HTR1F: variants seen among roughly 807,000 people sequenced by gnomAD.
HTR1F encodes 5-hydroxytryptamine receptor 1F, also known as 5-hydroxytryptamine (serotonin) receptor 1F, G protein-coupled.
In HTR1F, 17 loss-of-function variants were observed where a neutral mutation model predicts 24.0. The ratio of observed to expected loss-of-function variants is 0.71; its 90% CI spans 0.48 to 1.06. HTR1F has a LOEUF of 1.06. Ranked by LOEUF, HTR1F falls within the 50% of genes least tolerant of loss-of-function variation. The probability of loss-of-function intolerance (pLI) is 0.00; values close to 1 mark genes in which losing one functional copy is unlikely to be tolerated. For missense variants in HTR1F, 391 were observed against 427.8 expected (o/e 0.91, Z 0.76); for synonymous variants, 186 against 156.8 (o/e 1.19, Z -1.39).
intron 2 of HTR1F, among the ~76,000 whole-genome samples, chr3:87,834,112 A>C (rs948775360): frequency 6.6e-6 from 1 of 152,150 alleles, no homozygotes; most frequent in African/African-American, 2.4e-5. Flanking sequence ...AATTTATTTC[A>C]GTGGTTGTAT....
intron 2 of HTR1F, among the ~76,000 whole-genome samples, chr3:87,855,713 C>A (rs2107217325): frequency 6.6e-6 from 1 of 152,074 alleles, no homozygotes; most frequent in South Asian, 2.1e-4. Flanking sequence ...ATCCCAGAAA[C>A]AAACAATTCA....
intron 2 of HTR1F, among the ~76,000 whole-genome samples, chr3:87,881,552 T>G (rs988754627): frequency 1.3e-5 from 2 of 151,960 alleles, no homozygotes; most frequent in Non-Finnish European, 2.9e-5. Flanking sequence ...CAGAAATAAC[T>G]CCGCATATCT....
intron 2 of HTR1F, among the ~76,000 whole-genome samples, chr3:87,935,123 C>T (rs1357198756): frequency 2.0e-5 from 3 of 152,188 alleles, no homozygotes; most frequent in South Asian, 2.1e-4. Context: ...CTGACTTGGC[C>T]TCCCAAAGTG....
chr3:87,925,046 A>T (rs1196408973), intron 2 of HTR1F, among the ~76,000 whole-genome samples: 1 of 151,296 alleles, frequency 6.6e-6, no homozygotes, highest in East Asian at 1.9e-4. Context: ...TAAGTCCCAA[A>T]GGTTTTATTC....
intron 2 of HTR1F, among the ~76,000 whole-genome samples, chr3:87,897,168 C>A (rs1897237): frequency 0.058 from 8,729 of 150,810 alleles, 766 homozygotes; most frequent in African/African-American, 0.19. Flanking sequence ...TGGTGCCCAT[C>A]AATGAGCTGT....
chr3:87,830,605 T>C (rs1169698087), intron 2 of HTR1F, among the ~76,000 whole-genome samples: 1 of 152,176 alleles, frequency 6.6e-6, no homozygotes, highest in Non-Finnish European at 1.5e-5. Flanking sequence ...AAAATAAGTA[T>C]CTTGAAATTA....
rs148756546 is a variant in HTR1F at position 87,878,556 on chromosome 3, A to G, written c.-43+56432A>G. ...TGAGGCAGAGGCAGTAAGCTTTCAA[A>G]AAATGCCCATCGTATCTCTAAGTAG... On this transcript the variant is annotated intron_variant, in intron 2 of 2. Coordinates refer to ENST00000319595, the MANE Select transcript of HTR1F (RefSeq NM_001322209.2). Among the ~76,000 whole-genome samples the G allele has an allele frequency of 3.3e-4, 51 of 152,256 alleles. No individual in the cohort carries two copies. In the East Asian group the frequency reaches 3.5e-3, roughly 10 times the overall value.
At chr3:87,943,446 G>A (rs1174863618) in intron 2 of HTR1F, among the ~76,000 whole-genome samples, 1 of 152,144 alleles carries the variant, frequency 6.6e-6, no homozygotes, top group African/African-American at 2.4e-5. Flanking sequence ...CATGCACTCT[G>A]GCTGGGCCAA....
intron 2 of HTR1F, among the ~76,000 whole-genome samples, chr3:87,952,418 A>T (rs538097839): frequency 6.6e-6 from 1 of 152,124 alleles, no homozygotes; most frequent in African/African-American, 2.4e-5. Context: ...ATATGGAAAC[A>T]GGCAGACTTG....
chr3:87,957,116 G>A (rs1478383531), intron 2 of HTR1F, among the ~76,000 whole-genome samples: 2 of 151,364 alleles, frequency 1.3e-5, no homozygotes, highest in Admixed American at 1.3e-4. Flanking sequence ...TCAGATGGAG[G>A]CAGTTCCTTT....
At chr3:87,834,289 G>A (rs1271716675) in intron 2 of HTR1F, among the ~76,000 whole-genome samples, 2 of 152,090 alleles carry the variant, frequency 1.3e-5, no homozygotes, top group South Asian at 2.1e-4. Context: ...ACATGTATAT[G>A]TGTATGTTTA....
chr3:87,800,657 C>A (rs1703976632), intron 1 of HTR1F, among the ~76,000 whole-genome samples: 2 of 152,166 alleles, frequency 1.3e-5, no homozygotes, highest in African/African-American at 2.4e-5. Context: ...TAGTGCTCAG[C>A]ACAAACAGCA....
chr3:87,814,615 C>T (rs928259094), intron 1 of HTR1F, among the ~76,000 whole-genome samples: 1 of 151,990 alleles, frequency 6.6e-6, no homozygotes, highest in African/African-American at 2.4e-5. Context: ...CTTCTATTAT[C>T]CATCTGTAAA....
At chr3:87,981,354 C>G (rs1705539327) in intron 2 of HTR1F, among the ~76,000 whole-genome samples, 1 of 152,060 alleles carries the variant, frequency 6.6e-6, no homozygotes, top group African/African-American at 2.4e-5. Context: ...ACTGCCATAC[C>G]CGGCTAATTT....
chr3:87,903,856 C>T (rs1487898982), intron 2 of HTR1F, among the ~76,000 whole-genome samples: 1 of 152,154 alleles, frequency 6.6e-6, no homozygotes, highest in Non-Finnish European at 1.5e-5. Context: ...TTCACAATAG[C>T]AAAGACTTGG....
At chr3:87,818,880 C>T (rs181303882) in intron 1 of HTR1F, among the ~76,000 whole-genome samples, 130 of 152,252 alleles carry the variant, frequency 8.5e-4, no homozygotes, top group African/African-American at 3.0e-3. Flanking sequence ...AACTTAGAAT[C>T]TACTCCTTAA....
At chr3:87,966,352 C>T (rs1045331608) in intron 2 of HTR1F, among the ~76,000 whole-genome samples, 4 of 152,128 alleles carry the variant, frequency 2.6e-5, no homozygotes, top group African/African-American at 4.8e-5. Context: ...CAATTCACAC[C>T]ATGGCAGAAA....
intron 2 of HTR1F, among the ~76,000 whole-genome samples, chr3:87,934,126 A>C (rs1704354462): frequency 6.6e-6 from 1 of 152,230 alleles, no homozygotes; most frequent in African/African-American, 2.4e-5. Context: ...TCAGTGAGCT[A>C]TCTTGACCTA....
intron 2 of HTR1F, among the ~76,000 whole-genome samples, chr3:87,824,028 A>T (rs1389357875): frequency 6.8e-6 from 1 of 147,726 alleles, no homozygotes; most frequent in East Asian, 2.0e-4. Context: ...GCCTGGCGAC[A>T]GGGTGAGACT....
Sources: gnomAD v4.1 joint callset for allele counts (sites outside exome capture counted in the v4.1 genomes callset) on GRCh38, gnomAD v4.1.1 for gene constraint, MANE v1.5 for transcripts, NCBI Gene and HGNC (gene_info 2026-07-23, HGNC 2026-07-21) for gene names.